FGF13: variants seen among roughly 807,000 people sequenced by gnomAD.
The protein encoded by FGF13 is fibroblast growth factor 13, also known as fibroblast growth factor homologous factor 2.
FGF13 carries 2 observed loss-of-function variants against 19.5 expected under a neutral mutation model. The observed-to-expected ratio is 0.10, with a 90% CI of 0.04 to 0.32. The LOEUF is 0.32. Among genes scored for constraint, FGF13 ranks in the 10% least tolerant of loss-of-function variants. FGF13 has a pLI of 1.00. For synonymous variants in FGF13, 72 were observed against 76.9 expected, an observed-to-expected ratio of 0.94 and a Z score of 0.33; for missense variants, 113 against 192.7, an observed-to-expected ratio of 0.59 and a Z score of 2.45.
chrX:139,190,454 C>A (rs1343559548), intron 1 of FGF13, among the ~76,000 whole-genome samples: 2 of 111,778 alleles, frequency 1.8e-5, no homozygotes, highest in Non-Finnish European at 3.8e-5. Flanking sequence ...GTAACAGAGG[C>A]CACCTGCCTG....
At position 139,010,831 on chromosome X, in the gene FGF13, C is replaced by CAA. The variant is rs34458790; in HGVS notation, c.-112-146183_-112-146182dup. ...AGAGCAGAACTAAATGAAATTGAAA[C>CAA]AAAAAAAAAATACAAAAGATAATGA... On this transcript the variant is annotated intron_variant, in intron 1 of 2. Transcript: ENST00000421460. 5.3e-4 allele frequency among the ~76,000 whole-genome samples: 54 copies of CAA among 100,998 alleles called. 1 individual carries two copies. The highest frequency in any genetic ancestry group is 1.5e-3 in the African/African-American group (42 of 27,831). 87.7% of individuals were successfully genotyped at this position (100,998 alleles called of 115,157 possible).
intron 1 of FGF13, 22 bp downstream of exon 1, chrX:138,710,795 G>T (rs759951033): frequency 1.7e-6 from 2 of 1,209,486 alleles, no homozygotes; most frequent in South Asian, 1.8e-5. Flanking sequence ...ATGGGGAAAA[G>T]AAAGCAAAAG....
chrX:138,894,660 A>G (rs2091494121), intron 1 of FGF13, among the ~76,000 whole-genome samples: 1 of 111,132 alleles, frequency 9.0e-6, no homozygotes, highest in Non-Finnish European at 1.9e-5. Context: ...AACTGAAGCA[A>G]TAATTAATAG....
chrX:139,160,351 G>A (rs1168288117), intron 1 of FGF13, among the ~76,000 whole-genome samples: 1 of 111,947 alleles, frequency 8.9e-6, no homozygotes, highest in Admixed American at 9.5e-5. Flanking sequence ...GTGTTTAGAG[G>A]GAAATTTATA....
chrX:139,154,820 T>C (rs2083964668), intron 1 of FGF13, among the ~76,000 whole-genome samples: 1 of 112,106 alleles, frequency 8.9e-6, no homozygotes, highest in Non-Finnish European at 1.9e-5. Flanking sequence ...TGGGTAGTTC[T>C]TTTAATTTGT....
At chrX:138,642,165 G>A (rs1336889193) in intron 3 of FGF13, among the ~76,000 whole-genome samples, 1 of 101,245 alleles carries the variant, frequency 9.9e-6, no homozygotes, top group East Asian at 3.3e-4. Context: ...AAACTGGAAA[G>A]GATGAGAGAA....
At chrX:138,680,666 GT>G (rs779974077) in intron 3 of FGF13, among the ~76,000 whole-genome samples, 1 of 111,595 alleles carries the variant, frequency 9.0e-6, no homozygotes, top group Admixed American at 9.5e-5. Context: ...TCCAGGCTTT[GT>G]TTTTCCATTT....
chrX:138,709,010 T>A, intron 1 of FGF13, 82 bp from the exon 2 acceptor site: 1 of 503,661 alleles, frequency 2.0e-6, no homozygotes, highest in Non-Finnish European at 3.3e-6. Context: ...ATTTCTAATT[T>A]CATTTACAAA....
At chrX:138,951,804 T>G (rs1468356382) in intron 1 of FGF13, among the ~76,000 whole-genome samples, 3 of 111,914 alleles carry the variant, frequency 2.7e-5, no homozygotes, top group Non-Finnish European at 5.6e-5. Flanking sequence ...GTATAGCCTG[T>G]TTAGAAATAT....
At chrX:138,949,442 T>A (rs1311538313) in intron 1 of FGF13, among the ~76,000 whole-genome samples, 1 of 111,673 alleles carries the variant, frequency 9.0e-6, no homozygotes, top group Non-Finnish European at 1.9e-5. Flanking sequence ...CTACATGGCC[T>A]TCTCACCTGT....
chrX:139,092,372 A>T (rs1389560631), intron 1 of FGF13, among the ~76,000 whole-genome samples: 4 of 112,447 alleles, frequency 3.6e-5, no homozygotes, highest in Admixed American at 1.9e-4. Context: ...TCAAATCTTA[A>T]ATTTTATGAT....
At chrX:138,981,861 C>T (rs1044452396) in intron 1 of FGF13, among the ~76,000 whole-genome samples, 16 of 110,969 alleles carry the variant, frequency 1.4e-4, no homozygotes, top group African/African-American at 4.6e-4. Context: ...TTGCTCTTAC[C>T]GCCTGCCTTA....
At chrX:138,700,008 G>C (rs1239895123) in intron 3 of FGF13, among the ~76,000 whole-genome samples, 1 of 110,602 alleles carries the variant, frequency 9.0e-6, no homozygotes, top group Non-Finnish European at 1.9e-5. Context: ...TCTGACTTCT[G>C]TGAAGGTTTT....
chrX:138,666,355 T>C (rs1446507475), intron 3 of FGF13, among the ~76,000 whole-genome samples: 1 of 111,847 alleles, frequency 8.9e-6, no homozygotes, highest in Non-Finnish European at 1.9e-5. Flanking sequence ...AGTTGTCAGC[T>C]AATGAGGAAA....
chrX:138,665,992 A>T (rs913195678), intron 3 of FGF13, among the ~76,000 whole-genome samples: 2 of 111,739 alleles, frequency 1.8e-5, no homozygotes, highest in Non-Finnish European at 3.8e-5. Context: ...AAGTGAAACC[A>T]TTCCCAGTGT....
At chrX:139,135,941 G>A (rs1196433371) in intron 1 of FGF13, among the ~76,000 whole-genome samples, 6 of 111,587 alleles carry the variant, frequency 5.4e-5, no homozygotes, top group Middle Eastern at 4.7e-3. Flanking sequence ...AAAAGAAAGC[G>A]GTGAGTTAAA....
Position 138,999,452 on chromosome X carries a change from GAAGAA to G in FGF13, c.-112-134807_-112-134803del, listed in dbSNP as rs1357523101. ...ATGGACCACTAGCTATACAAATAAA[GAAGAA>G]AAGAGAGAAGAATCAAGTAGACGCA... On this transcript the variant is annotated intron_variant, in intron 1 of 2. Coordinates refer to the FGF13 transcript ENST00000421460. 4.5e-5 allele frequency among the ~76,000 whole-genome samples: 5 copies of G among 111,137 alleles called. No homozygotes were observed. The South Asian group carries it at 1.9e-3, about 42-fold the overall frequency.
rs184564639 is a variant in FGF13, at chrX:138,879,545, C to T, written c.-112-14895G>A. Reference sequence around the variant, plus strand: ...AATTTTTTTATTAAGTTCGGGGGTACATGTGCAGAATGTGCAGGTTTGTTA... The same window carrying T: ...AATTTTTTTATTAAGTTCGGGGGTATATGTGCAGAATGTGCAGGTTTGTTA... On this transcript the variant is annotated intron_variant, in intron 1 of 2. Transcript: ENST00000421460. 3.9e-3 allele frequency among the ~76,000 whole-genome samples: 422 copies of T among 109,343 alleles called. 2 individuals are homozygous for T. The highest frequency in any genetic ancestry group is 0.013 in the African/African-American group (393 of 30,059). 95.0% of individuals were successfully genotyped at this position (109,343 alleles called of 115,157 possible).
At chrX:138,746,611 C>T (rs1164388891) in intron 3 of FGF13, among the ~76,000 whole-genome samples, 1 of 111,419 alleles carries the variant, frequency 9.0e-6, no homozygotes, top group Non-Finnish European at 1.9e-5. Context: ...AAAGCAGGGA[C>T]CCTAGAGCCA....
Sources: gnomAD v4.1 joint callset for allele counts (sites outside exome capture counted in the v4.1 genomes callset) on GRCh38, gnomAD v4.1.1 for gene constraint, MANE v1.5 for transcripts, NCBI Gene and HGNC (gene_info 2026-07-23, HGNC 2026-07-21) for gene names.